The following RTN1 variants were observed in gnomAD, a reference collection of about 807,000 sequenced individuals.
RTN1 encodes reticulon 1.
In RTN1, 25 loss-of-function variants were observed where a neutral mutation model predicts 65.5. The observed-to-expected ratio is 0.38, with a 90% CI of 0.28 to 0.53. The LOEUF (loss-of-function observed/expected upper bound fraction) is 0.53. RTN1 is among the 20% of genes least tolerant of loss of function. RTN1 has a pLI of 0.79. For synonymous variants in RTN1, 471 were observed against 447.6 expected (o/e 1.05, Z -0.66); for missense variants, 983 against 1,025.4 (o/e 0.96, Z 0.57).
rs1278921342 is a variant in RTN1 at position 59,870,295 on chromosome 14, C to A, written c.241+95G>T. The A allele has an allele frequency of 2.4e-6, 3 of 1,257,458 alleles. No individual in the cohort carries two copies. Among genetic ancestry groups the A allele is most frequent in the Non-Finnish European group, 3.1e-6 (3 of 983,082 alleles). The allele number at this position is 1,257,458 out of a possible 1,614,324, so 77.9% of individuals were successfully genotyped here. The stretch of plus-strand genomic sequence containing the variant: ...TGGGGTCGGCGCTCAAGGCAGAAAG[C>A]GCGAGGCAGGTGCCCAGGAGAGCCG... On this transcript the variant is annotated intron_variant, in intron 1 of 8. Coordinates refer to ENST00000267484, the MANE Select transcript of RTN1 (RefSeq NM_021136.3). The surrounding 1 kb of genome is among the most constrained non-coding windows in gnomAD (Gnocchi z 5.1).
intron 3 of RTN1, among the ~76,000 whole-genome samples, chr14:59,681,167 A>C (rs1223250566): frequency 6.6e-6 from 1 of 152,058 alleles, no homozygotes; most frequent in African/African-American, 2.4e-5. Flanking sequence ...TATTATTTCC[A>C]TATTTATTAA....
In RTN1 at chr14:59,836,507, C is replaced by T. The variant is rs1289012883; in HGVS notation, c.241+33883G>A. 1.3e-5 allele frequency among the ~76,000 whole-genome samples: 2 copies of T among 152,194 alleles called. No homozygotes were observed. Among genetic ancestry groups the T allele is most frequent in the Non-Finnish European group, 2.9e-5 (2 of 68,040 alleles). ...TAAGAGGTTTTGGCTTTCTTGCTTT[C>T]ATCTATGGATGGGCTAAAATTTGTT... On this transcript the variant is annotated intron_variant, in intron 1 of 8. Coordinates refer to ENST00000267484, the MANE Select transcript of RTN1 (RefSeq NM_021136.3). The surrounding 1 kb of genome is among the most constrained non-coding windows in gnomAD (Gnocchi z 4.9).
At chr14:59,851,415 C>T (rs1300384258) in intron 1 of RTN1, among the ~76,000 whole-genome samples, 1 of 152,136 alleles carries the variant, frequency 6.6e-6, no homozygotes, top group Non-Finnish European at 1.5e-5. Flanking sequence ...GAGCAGATTA[C>T]TATACTTAAA....
At chr14:59,675,258 ATG>A (rs1294656310) in intron 3 of RTN1, among the ~76,000 whole-genome samples, 2 of 152,090 alleles carry the variant, frequency 1.3e-5, no homozygotes. Flanking sequence ...CACACAAATC[ATG>A]TGTGCATATG....
intron 1 of RTN1, among the ~76,000 whole-genome samples, chr14:59,756,869 G>A: frequency 7.8e-6 from 1 of 128,546 alleles, no homozygotes; most frequent in Non-Finnish European, 1.5e-5. Context: ...CTGTTGCCCA[G>A]GCTGGAGTGC....
At chr14:59,730,054 C>T (rs998784251) in intron 2 of RTN1, among the ~76,000 whole-genome samples, 20 of 152,206 alleles carry the variant, frequency 1.3e-4, no homozygotes, top group Admixed American at 1.2e-3. Flanking sequence ...TGTCGGTTTT[C>T]TTGGCCATCT....
At chr14:59,617,528 T>C (rs1337204831) in intron 3 of RTN1, among the ~76,000 whole-genome samples, 1 of 152,172 alleles carries the variant, frequency 6.6e-6, no homozygotes, top group Non-Finnish European at 1.5e-5. Context: ...ACAAACCATT[T>C]CTTGATTTGT....
chr14:59,758,752 C>A (rs1209766023), intron 1 of RTN1, among the ~76,000 whole-genome samples: 2 of 152,184 alleles, frequency 1.3e-5, no homozygotes, highest in African/African-American at 4.8e-5. Flanking sequence ...TTTGCACAGT[C>A]TGTGCAAAGC....
intron 1 of RTN1, among the ~76,000 whole-genome samples, chr14:59,780,772 T>C (rs1275276823): frequency 6.6e-6 from 1 of 152,234 alleles, no homozygotes; most frequent in African/African-American, 2.4e-5. Flanking sequence ...GTGAATCCAA[T>C]TGTATCATAG....
intron 1 of RTN1, among the ~76,000 whole-genome samples, chr14:59,848,869 G>A (rs1240202842): frequency 1.3e-5 from 2 of 152,148 alleles, no homozygotes; most frequent in African/African-American, 2.4e-5. Flanking sequence ...GATACAGTAC[G>A]AAGTCCATGT....
intron 1 of RTN1, among the ~76,000 whole-genome samples, chr14:59,861,113 CA>C (rs1365815493): frequency 1.3e-5 from 2 of 152,018 alleles, no homozygotes; most frequent in Non-Finnish European, 2.9e-5. Context: ...TGGGAGGGGC[CA>C]GGGGCAGAAT....
chr14:59,665,061 A>G (rs1320884803), intron 3 of RTN1, among the ~76,000 whole-genome samples: 1 of 152,106 alleles, frequency 6.6e-6, no homozygotes, highest in African/African-American at 2.4e-5. Flanking sequence ...TTGTGGTTTT[A>G]GTTTACATTG....
chr14:59,811,369 T>A (rs1272874145), intron 1 of RTN1, among the ~76,000 whole-genome samples: 1 of 152,214 alleles, frequency 6.6e-6, no homozygotes, highest in African/African-American at 2.4e-5. Context: ...ATCAGCCACA[T>A]TACAAGCTAA....
intron 3 of RTN1, among the ~76,000 whole-genome samples, chr14:59,653,655 T>C (rs1391233460): frequency 6.6e-6 from 1 of 151,872 alleles, no homozygotes; most frequent in Non-Finnish European, 1.5e-5. Flanking sequence ...ACTATATTAT[T>C]GAATTTATAA....
In RTN1 at chr14:59,870,416, G is replaced by C. The variant is rs1887877085; in HGVS notation, c.215C>G (p.Pro72Arg). 1 of 1,523,790 alleles carries C rather than the reference G, an allele frequency of 6.6e-7. No homozygotes were observed. The highest frequency in any genetic ancestry group is 2.1e-5 in the Admixed American group (1 of 48,442). 94.4% of individuals were successfully genotyped at this position (1,523,790 alleles called of 1,614,324 possible). ...TGTGGATGCAGTTTCCATGGCAACG[G>C]GCGACTGCCGGGCGGGGCCCGAGCC... ...EAGSGPARQSPVAMETASTGV... is the reference protein window; with the variant it reads ...EAGSGPARQSRVAMETASTGV... The change falls in exon 1 of 9, where the codon CCC (proline) becomes CGC (arginine). Residue 72 changes from proline to arginine, a missense_variant. Physicochemically the swap from Pro to Arg is moderately radical, Grantham distance 103. This residue lies in a region of RTN1 where 818 missense variants were observed against 801.8 expected (regional missense o/e 1.02). Transcript: ENST00000267484. This position sits in a 1 kb window ranked among gnomAD's most constrained non-coding sequence, Gnocchi z 5.1.
chr14:59,668,373 A>T (rs1050563292), intron 3 of RTN1, among the ~76,000 whole-genome samples: 1 of 152,218 alleles, frequency 6.6e-6, no homozygotes, highest in East Asian at 1.9e-4. Context: ...TATTTAATAA[A>T]TGGTGCTGGG....
intron 1 of RTN1, among the ~76,000 whole-genome samples, chr14:59,847,471 A>G (rs1404133234): frequency 6.6e-6 from 1 of 152,224 alleles, no homozygotes; most frequent in East Asian, 1.9e-4. Flanking sequence ...AAATCCTTTT[A>G]AGTGTTAAAA....
chr14:59,850,650 T>G (rs1887488529), intron 1 of RTN1, among the ~76,000 whole-genome samples: 1 of 152,226 alleles, frequency 6.6e-6, no homozygotes, highest in Non-Finnish European at 1.5e-5. Flanking sequence ...GGTCACTCAA[T>G]AAATGACGTC....
intron 1 of RTN1, among the ~76,000 whole-genome samples, chr14:59,798,007 T>G (rs1329366949): frequency 1.3e-5 from 2 of 152,114 alleles, no homozygotes; most frequent in Non-Finnish European, 2.9e-5. Context: ...CAGATATAGA[T>G]TCATAAAAAA....
Sources: allele counts gnomAD v4.1 joint callset (sites outside exome capture counted in the v4.1 genomes callset), GRCh38; gene constraint gnomAD v4.1.1; regional missense constraint gnomAD v4.1.1; non-coding constraint Gnocchi (gnomAD v3.1); transcripts MANE v1.5; gene names NCBI Gene and HGNC (gene_info 2026-07-23, HGNC 2026-07-21).